Variants in ADGRE1 observed in about 807,000 individuals in gnomAD.
ADGRE1 encodes the protein EGF-like module receptor 1.
In ADGRE1, 82 loss-of-function variants were observed where a neutral mutation model predicts 102.7. That is an observed-to-expected ratio of 0.80 (90% CI 0.67 to 0.96). ADGRE1 has a LOEUF of 0.96. Among genes scored for constraint, ADGRE1 ranks in the 40% least tolerant of loss-of-function variants. ADGRE1 has a pLI of 0.00. For missense variants in ADGRE1, 1,032 were observed against 1,085.3 expected, an observed-to-expected ratio of 0.95 and a Z score of 0.69; for synonymous variants, 398 against 399.6, an observed-to-expected ratio of 1.00 and a Z score of 0.05.
intron 16 of ADGRE1, among the ~76,000 whole-genome samples, chr19:6,927,249 C>T (rs1264439820): frequency 2.3e-5 from 3 of 131,560 alleles, no homozygotes; most frequent in African/African-American, 2.8e-5. Flanking sequence ...TTCCTTCCTC[C>T]CTCCCTCCCT....
intron 14 of ADGRE1, 131 bp downstream of exon 14, chr19:6,922,014 G>T: frequency 9.3e-7 from 1 of 1,076,862 alleles, no homozygotes; most frequent in Non-Finnish European, 1.3e-6. Context: ...GGGGACAGAA[G>T]GGGTAGGTGA....
chr19:6,921,890 A>G lies in ADGRE1; in HGVS notation c.1791+7A>G. ...GGCGTCTGGGGAGCTCACGGTCAGT[A>G]CTGATGATTTGTTCCCTGAGGCAGA... is the stretch of plus-strand genomic sequence containing the variant. On this transcript the variant is annotated splice_region_variant and intron_variant, in intron 14 of 20. Transcript: ENST00000312053. 6.3e-7 allele frequency: 1 copy of G among 1,597,408 alleles called. No individual in the cohort carries two copies. The highest frequency in any genetic ancestry group is 8.5e-7 in the Non-Finnish European group (1 of 1,170,532).
chr19:6,911,470 A>G (rs1358455614), intron 10 of ADGRE1, among the ~76,000 whole-genome samples: 1 of 137,680 alleles, frequency 7.3e-6, no homozygotes, highest in East Asian at 2.3e-4. Context: ...GGGGAATCAT[A>G]TGAATATTAC....
At chr19:6,936,280 C>T (rs1335526470) in intron 18 of ADGRE1, among the ~76,000 whole-genome samples, 1 of 151,560 alleles carries the variant, frequency 6.6e-6, no homozygotes, top group Non-Finnish European at 1.5e-5. Flanking sequence ...ACTAAAAATA[C>T]AAAAAATTAG....
chr19:6,925,987 C>T (rs975163652), intron 15 of ADGRE1, among the ~76,000 whole-genome samples: 1 of 152,144 alleles, frequency 6.6e-6, no homozygotes, highest in Non-Finnish European at 1.5e-5. Flanking sequence ...CATGAGCCAC[C>T]ACACCCAGCC....
At chr19:6,924,945 A>G (rs1599757624) in intron 15 of ADGRE1, 73 bp downstream of exon 15, 2 of 1,505,026 alleles carry the variant, frequency 1.3e-6, no homozygotes, top group Non-Finnish European at 1.8e-6. Flanking sequence ...TTCCTAGCCA[A>G]CTCCCTCTAT....
intron 17 of ADGRE1, among the ~76,000 whole-genome samples, chr19:6,932,191 G>A (rs772341871): frequency 4.6e-5 from 7 of 152,034 alleles, no homozygotes; most frequent in Admixed American, 2.0e-4. Context: ...ATTCTGGGCC[G>A]GGCGTGGTGG....
rs148305002 is a variant in ADGRE1 at position 6,899,325 on chromosome 19, G to A, written c.514+1778G>A. ...GCTGCTAAACATCCTATAATGCACC[G>A]AAAGGCCCCCACAACCAAGAATAAT... On this transcript the variant is annotated intron_variant, in intron 5 of 20. Transcript: ENST00000312053. Among the ~76,000 whole-genome samples the A allele has an allele frequency of 3.1e-4, 47 of 152,196 alleles. No homozygotes were observed. In the East Asian group the frequency reaches 4.6e-3, roughly 15 times the overall value.
intron 10 of ADGRE1, among the ~76,000 whole-genome samples, chr19:6,911,384 A>ATTTTTTTTTT (rs1974168471): frequency 2.9e-5 from 1 of 34,768 alleles, no homozygotes; most frequent in Non-Finnish European, 9.7e-5. Context: ...GATTCCTTTT[A>ATTTTTTTTTT]GTTTTTTTTT....
At chr19:6,910,667 G>C (rs1974144731) in intron 10 of ADGRE1, among the ~76,000 whole-genome samples, 1 of 149,740 alleles carries the variant, frequency 6.7e-6, no homozygotes, top group African/African-American at 2.4e-5. Context: ...CGCCTCCCGG[G>C]TTCATGCCAT....
At position 6,919,847 on chromosome 19, in the gene ADGRE1, C is replaced by T. The variant is rs1010194984; in HGVS notation, c.1620+100C>T. The T allele has an allele frequency of 2.3e-5, 28 of 1,195,000 alleles. No individual in the cohort carries two copies. The East Asian group carries it at 5.2e-4, about 22-fold the overall frequency. The allele number at this position is 1,195,000 out of a possible 1,614,324, so 74.0% of individuals were successfully genotyped here. On this transcript the variant is annotated intron_variant, in intron 13 of 20. Transcript: ENST00000312053. ...CATTTTTTACGGGAAGCTATTGAGG[C>T]CGGTAAGCTTCCACAATTTCCAGCA... is the stretch of plus-strand genomic sequence containing the variant.
intron 16 of ADGRE1, 134 bp downstream of exon 16, chr19:6,926,735 A>G (rs1324510211): frequency 3.4e-6 from 3 of 887,644 alleles, no homozygotes; most frequent in African/African-American, 3.3e-5. Flanking sequence ...ATTATGTACT[A>G]TTGGTTTCAG....
intron 17 of ADGRE1, 63 bp from the exon 18 acceptor site, chr19:6,934,924 A>C: frequency 8.4e-7 from 1 of 1,193,704 alleles, no homozygotes; most frequent in East Asian, 2.7e-5. Flanking sequence ...CTCTTTTTAT[A>C]GGTGTTCTGG....
At chr19:6,903,659 A>T (rs1450471077) in intron 6 of ADGRE1, 151 bp from the exon 7 acceptor site, 1 of 961,864 alleles carries the variant, frequency 1.0e-6, no homozygotes, top group Admixed American at 2.4e-5. Context: ...TAGTCACATG[A>T]CCTCACCTAG....
chr19:6,936,859 G>T (rs1975430984), intron 18 of ADGRE1, among the ~76,000 whole-genome samples: 1 of 152,112 alleles, frequency 6.6e-6, no homozygotes, highest in Non-Finnish European at 1.5e-5. Context: ...CTGTCCTCAG[G>T]TGATCCACCA....
Position 6,936,523 on chromosome 19 carries a change from G to A in ADGRE1, c.2382-720G>A, listed in dbSNP as rs137872052. 4.8e-3 allele frequency among the ~76,000 whole-genome samples: 726 copies of A among 151,286 alleles called. 8 individuals carry two copies. Among genetic ancestry groups the A allele is most frequent in the African/African-American group, 0.015 (636 of 41,236 alleles). Reference sequence around the variant, plus strand: ...AATGTAAGCAATAAGTTTCACATCAGATGAAATTCACCATTTTAACCATTT... The same window carrying A: ...AATGTAAGCAATAAGTTTCACATCAAATGAAATTCACCATTTTAACCATTT... On this transcript the variant is annotated intron_variant, in intron 18 of 20. Transcript: ENST00000312053.
rs1973329493 is a variant in ADGRE1 at position 6,890,538 on chromosome 19, C to T, written c.89C>T (p.Thr30Ile). 6.3e-7 allele frequency: 1 copy of T among 1,599,284 alleles called. No homozygotes were observed. Among genetic ancestry groups the T allele is most frequent in the Non-Finnish European group, 8.5e-7 (1 of 1,172,502 alleles). Residue 30 changes from threonine to isoleucine, a missense_variant, in exon 2 of 21, where the codon ACA becomes ATA. Physicochemically the swap from Thr to Ile is moderately conservative, Grantham distance 89 (BLOSUM62 -1). Transcript: ENST00000312053. ...GHIRPTRKPN[T>I]KGNNCRDSTL... Reference sequence around the variant, plus strand: ...ATAAGACCCACACGGAAACCAAACACAAAGGGTAAGTTGGCCAGAGAGAAT... The same window carrying T: ...ATAAGACCCACACGGAAACCAAACATAAAGGGTAAGTTGGCCAGAGAGAAT...
chr19:6,917,973 G>C (rs1974462547), intron 12 of ADGRE1, among the ~76,000 whole-genome samples: 1 of 152,128 alleles, frequency 6.6e-6, no homozygotes, highest in Admixed American at 6.6e-5. Flanking sequence ...AGTGGTCTGG[G>C]AGAGAGATGT....
rs373045178 is a variant in ADGRE1 at position 6,903,789 on chromosome 19, C to T, written c.662-21C>T. ...TGGCTCATTGGCCAACTTGGCTCCA[C>T]ACCCATTCTGTACCCCACAGATATT... On this transcript the variant is annotated intron_variant, in intron 6 of 20. Coordinates refer to ENST00000312053, the MANE Select transcript of ADGRE1 (RefSeq NM_001974.5). 3.7e-6 allele frequency: 6 copies of T among 1,612,888 alleles called. No individual in the cohort carries two copies. In the African/African-American group the frequency reaches 8.0e-5, roughly 22 times the overall value.
Sources: gnomAD v4.1 joint callset for allele counts (sites outside exome capture counted in the v4.1 genomes callset) on GRCh38, gnomAD v4.1.1 for gene constraint, MANE v1.5 for transcripts, NCBI Gene and HGNC (gene_info 2026-07-23, HGNC 2026-07-21) for gene names.